LTBP1: variants seen among roughly 807,000 people sequenced by gnomAD.
LTBP1 encodes the protein latent transforming growth factor beta binding protein 1, also known as latent-transforming growth factor beta-binding protein 1.
A neutral mutation model predicts 207.6 loss-of-function variants in LTBP1; 129 were observed. The observed-to-expected ratio is 0.62, with a 90% CI of 0.54 to 0.72. The LOEUF (loss-of-function observed/expected upper bound fraction) is 0.72. Ranked by LOEUF, LTBP1 falls within the 30% of genes least tolerant of loss-of-function variation. The pLI is 0.00. For missense variants in LTBP1, 2,281 were observed against 2,217.2 expected (o/e 1.03, Z -0.58); for synonymous variants, 963 against 833.7 (o/e 1.16, Z -2.67).
intron 7 of LTBP1, among the ~76,000 whole-genome samples, chr2:33,197,189 A>G (rs917320616): frequency 6.6e-6 from 1 of 152,236 alleles, no homozygotes; most frequent in African/African-American, 2.4e-5. Context: ...TTCAAAGAAC[A>G]GAAATTGATC....
chr2:33,045,098 G>A (rs1024113376), intron 3 of LTBP1, among the ~76,000 whole-genome samples: 6 of 152,068 alleles, frequency 3.9e-5, no homozygotes, highest in Admixed American at 2.6e-4. Context: ...CTTTTGCTGT[G>A]CAGAAGCTCT....
intron 3 of LTBP1, among the ~76,000 whole-genome samples, chr2:33,082,348 T>A (rs1314462970): frequency 6.6e-6 from 1 of 151,880 alleles, no homozygotes. Context: ...AGTATTGTTA[T>A]AGCAGCACAA....
chr2:33,192,995 C>T (rs530718484), intron 7 of LTBP1, among the ~76,000 whole-genome samples: 7 of 152,186 alleles, frequency 4.6e-5, no homozygotes, highest in East Asian at 1.9e-4. Context: ...CTAACACTGT[C>T]GCTTTCAGGG....
At chr2:33,309,956 T>TA (rs2149164088) in intron 23 of LTBP1, among the ~76,000 whole-genome samples, 1 of 151,264 alleles carries the variant, frequency 6.6e-6, no homozygotes, top group South Asian at 2.1e-4. Flanking sequence ...TTGCTTTTTT[T>TA]TTTTTTTTGA....
intron 22 of LTBP1, among the ~76,000 whole-genome samples, chr2:33,308,436 CT>C (rs2094131968): frequency 6.6e-6 from 1 of 152,144 alleles, no homozygotes; most frequent in Non-Finnish European, 1.5e-5. Context: ...GGTTTTTGAT[CT>C]TGCTGTTCTC....
At chr2:33,016,653 G>A (rs958882383) in intron 2 of LTBP1, among the ~76,000 whole-genome samples, 11 of 152,010 alleles carry the variant, frequency 7.2e-5, no homozygotes, top group Non-Finnish European at 1.0e-4. Flanking sequence ...TCCACTCATC[G>A]AGCTGAACCA....
chr2:33,003,424 C>G (rs1686337240), intron 2 of LTBP1, among the ~76,000 whole-genome samples: 1 of 152,198 alleles, frequency 6.6e-6, no homozygotes, highest in South Asian at 2.1e-4. Context: ...AAAGGTCATG[C>G]AGCCAGTTAG....
intron 3 of LTBP1, among the ~76,000 whole-genome samples, chr2:33,077,122 C>T (rs2078125555): frequency 6.6e-6 from 1 of 152,118 alleles, no homozygotes; most frequent in Non-Finnish European, 1.5e-5. Flanking sequence ...GTAAGAGGGC[C>T]ACACGGCTAT....
chr2:33,175,816 A>G (rs532903022), intron 5 of LTBP1, among the ~76,000 whole-genome samples: 12 of 108,960 alleles, frequency 1.1e-4, no homozygotes, highest in African/African-American at 2.6e-4. Flanking sequence ...GTGGAATACT[A>G]TGCAGCCATA....
At chr2:33,103,800 A>G (rs976973949) in intron 3 of LTBP1, among the ~76,000 whole-genome samples, 2 of 152,096 alleles carry the variant, frequency 1.3e-5, no homozygotes, top group African/African-American at 4.8e-5. Context: ...GCATTCACCC[A>G]TCCTTCTCAA....
chr2:33,160,469 G>T (rs1033516223), intron 5 of LTBP1, among the ~76,000 whole-genome samples: 1 of 152,166 alleles, frequency 6.6e-6, no homozygotes, highest in African/African-American at 2.4e-5. Context: ...GAGCTTGAAT[G>T]CCTGTGTAAG....
At chr2:33,060,832 T>G (rs1321707361) in intron 3 of LTBP1, among the ~76,000 whole-genome samples, 1 of 152,192 alleles carries the variant, frequency 6.6e-6, no homozygotes, top group African/African-American at 2.4e-5. Flanking sequence ...TTTAAAAAAC[T>G]CATGTTATAG....
intron 20 of LTBP1, among the ~76,000 whole-genome samples, chr2:33,297,206 C>G (rs751632030): frequency 2.0e-5 from 3 of 152,116 alleles, no homozygotes; most frequent in African/African-American, 7.2e-5. Context: ...TTGACCTCTA[C>G]TCCGATTCTA....
chr2:33,095,590 TAGAG>T (rs1298187489), intron 3 of LTBP1, among the ~76,000 whole-genome samples: 6 of 152,082 alleles, frequency 3.9e-5, no homozygotes, highest in Admixed American at 3.9e-4. Flanking sequence ...ATTTGACTCA[TAGAG>T]AAGAGATAAA....
chr2:32,948,847 T>C, intron 1 of LTBP1, 28 bp from the exon 2 acceptor site: 2 of 1,609,546 alleles, frequency 1.2e-6, no homozygotes, highest in East Asian at 2.2e-5. Context: ...TTTCTGCTGC[T>C]GGACTCAGCG....
chr2:33,368,196 G>T (rs1326811102), intron 31 of LTBP1, among the ~76,000 whole-genome samples: 1 of 151,426 alleles, frequency 6.6e-6, no homozygotes, highest in African/African-American at 2.4e-5. Context: ...GACAGAGCGA[G>T]ACTCTGTCTC....
chr2:33,381,322 A>G (rs1416389617), intron 31 of LTBP1, among the ~76,000 whole-genome samples: 8 of 152,218 alleles, frequency 5.3e-5, no homozygotes, highest in Non-Finnish European at 1.2e-4. Flanking sequence ...TCTACCCAAC[A>G]AATCTCTTTT....
intron 22 of LTBP1, among the ~76,000 whole-genome samples, chr2:33,303,873 C>A (rs1366980953): frequency 6.6e-6 from 1 of 152,160 alleles, no homozygotes; most frequent in African/African-American, 2.4e-5. Flanking sequence ...ATTGAGGACC[C>A]CTGTGCTAGG....
intron 19 of LTBP1, among the ~76,000 whole-genome samples, chr2:33,281,060 C>T (rs1018377892): frequency 2.6e-5 from 4 of 152,136 alleles, no homozygotes; most frequent in Non-Finnish European, 5.9e-5. Context: ...GACAGTGAGA[C>T]CCTGTCTCTA....
Sources: allele counts gnomAD v4.1 joint callset (sites outside exome capture counted in the v4.1 genomes callset), GRCh38; gene constraint gnomAD v4.1.1; transcripts MANE v1.5; gene names NCBI Gene and HGNC (gene_info 2026-07-23, HGNC 2026-07-21).